Variants in CNTN6 observed in about 807,000 individuals in gnomAD.
The protein encoded by CNTN6 is contactin-6.
A neutral mutation model predicts 122.8 loss-of-function variants in CNTN6; 137 were observed. The observed-to-expected ratio is 1.12, with a 90% CI of 0.97 to 1.29. The LOEUF is 1.29. Among genes scored for constraint, CNTN6 ranks in the 50% most tolerant of loss-of-function variants. The pLI is 0.00. For missense variants in CNTN6, 1,634 were observed against 1,223.4 expected, an observed-to-expected ratio of 1.34 and a Z score of -5.01; for synonymous variants, 570 against 426.0, an observed-to-expected ratio of 1.34 and a Z score of -4.16.
chr3:1,126,528 T>C (rs554897173), intron 1 of CNTN6, among the ~76,000 whole-genome samples: 1 of 152,006 alleles, frequency 6.6e-6, no homozygotes, highest in East Asian at 1.9e-4. Context: ...CTTATCACAA[T>C]CTTTGTTAAT....
chr3:1,194,377 G>A (rs1277486251), intron 2 of CNTN6, among the ~76,000 whole-genome samples: 1 of 151,982 alleles, frequency 6.6e-6, no homozygotes, highest in Non-Finnish European at 1.5e-5. Flanking sequence ...TTGGGAGACT[G>A]GGTTTTCTTA....
intron 1 of CNTN6, among the ~76,000 whole-genome samples, chr3:1,099,155 T>C (rs550413774): frequency 1.3e-5 from 2 of 152,278 alleles, no homozygotes; most frequent in East Asian, 3.9e-4. Flanking sequence ...CTCATTCTTA[T>C]AAATAAACAC....
intron 2 of CNTN6, among the ~76,000 whole-genome samples, chr3:1,163,304 A>G (rs1420557065): frequency 6.6e-6 from 1 of 152,166 alleles, no homozygotes; most frequent in Non-Finnish European, 1.5e-5. Flanking sequence ...AATTATTATC[A>G]AGAGCATCAC....
chr3:1,257,166 T>G lies in CNTN6; in HGVS notation c.359-21247T>G, dbSNP rs558175000. Among the ~76,000 whole-genome samples the G allele has an allele frequency of 1.1e-4, 16 of 152,286 alleles. No homozygotes were observed. In the South Asian group the frequency reaches 3.3e-3, roughly 32 times the overall value. The stretch of plus-strand genomic sequence containing the variant: ...TTATCTGTTTATTGGCAATTTAAAA[T>G]TATTTTGTAAATTTCCTAAATTGGG... On this transcript the variant is annotated intron_variant, in intron 4 of 22. Transcript: ENST00000446702.
rs549898901 is a variant in CNTN6, at chr3:1,133,917, A to C, written c.-82-14010A>C. Among the ~76,000 whole-genome samples the C allele has an allele frequency of 4.6e-5, 7 of 152,318 alleles. No individual in the cohort carries two copies. The South Asian group carries it at 8.3e-4, about 18-fold the overall frequency. ...TATCTGGAGCAACAGCCTGCTGTGG[A>C]TCTCACTACAGCCCTTCCCTTCCTG... On this transcript the variant is annotated intron_variant, in intron 1 of 22. Transcript: ENST00000446702.
chr3:1,400,853 G>A (rs1695598883), intron 20 of CNTN6, among the ~76,000 whole-genome samples: 1 of 152,076 alleles, frequency 6.6e-6, no homozygotes, highest in Non-Finnish European at 1.5e-5. Flanking sequence ...TAAGCAGAGT[G>A]AAGACTGTGG....
intron 1 of CNTN6, among the ~76,000 whole-genome samples, chr3:1,129,104 C>G (rs2092264319): frequency 6.6e-6 from 1 of 151,938 alleles, no homozygotes; most frequent in South Asian, 2.1e-4. Flanking sequence ...TTGGGAACTA[C>G]TTAGGGAGAA....
In CNTN6 at chr3:1,370,051, G is replaced by GT. The variant is rs1708788338; in HGVS notation, c.1493-2247dup. Among the ~76,000 whole-genome samples, 3 of 151,796 alleles carry GT rather than the reference G, an allele frequency of 2.0e-5. No individual in the cohort carries two copies. In the South Asian group the frequency reaches 6.2e-4, roughly 32 times the overall value. On this transcript the variant is annotated intron_variant, in intron 12 of 22. Transcript: ENST00000446702. ...TACCCTTCAACTTCACCTTGCTAAT[G>GT]TAACAAACTTAATAATTTAATGTGT... is the stretch of plus-strand genomic sequence containing the variant.
chr3:1,212,718 CAT>C (rs10573429), intron 2 of CNTN6, among the ~76,000 whole-genome samples: 29,563 of 151,842 alleles, frequency 0.19, 3,467 homozygotes, highest in East Asian at 0.5. Flanking sequence ...CATATTGTCA[CAT>C]GTTTTCAGCT....
At chr3:1,397,560 A>G (rs959817292) in intron 20 of CNTN6, among the ~76,000 whole-genome samples, 1 of 152,178 alleles carries the variant, frequency 6.6e-6, no homozygotes, top group Non-Finnish European at 1.5e-5. Flanking sequence ...CCACACAGAC[A>G]TTACTTAAAT....
At chr3:1,308,284 G>GTT (rs1206737674) in intron 7 of CNTN6, among the ~76,000 whole-genome samples, 51 of 81,466 alleles carry the variant, frequency 6.3e-4, no homozygotes, top group African/African-American at 1.7e-3. Context: ...TGTATGGGGT[G>GTT]TTTTGTGTGT....
At chr3:1,325,771 T>C in intron 8 of CNTN6, 44 bp from the exon 9 acceptor site, 1 of 1,596,832 alleles carries the variant, frequency 6.3e-7, no homozygotes, top group Non-Finnish European at 8.5e-7. Flanking sequence ...ATGTCTTGGA[T>C]AACTGCCTTT....
intron 7 of CNTN6, among the ~76,000 whole-genome samples, chr3:1,304,819 C>T (rs998702970): frequency 6.6e-6 from 1 of 151,384 alleles, no homozygotes; most frequent in Non-Finnish European, 1.5e-5. Flanking sequence ...AGGTGAAACC[C>T]CCTTATCTAC....
At chr3:1,198,668 G>T (rs2093813904) in intron 2 of CNTN6, among the ~76,000 whole-genome samples, 1 of 151,648 alleles carries the variant, frequency 6.6e-6, no homozygotes, top group South Asian at 2.1e-4. Flanking sequence ...TTTGCAGTGA[G>T]CCAAGGTTGC....
intron 1 of CNTN6, among the ~76,000 whole-genome samples, chr3:1,141,730 A>G (rs1048037446): frequency 6.6e-6 from 1 of 152,170 alleles, no homozygotes; most frequent in Non-Finnish European, 1.5e-5. Context: ...AAAAAGCACA[A>G]TGTTGACAGA....
At chr3:1,370,238 T>C (rs1235643084) in intron 12 of CNTN6, among the ~76,000 whole-genome samples, 1 of 151,952 alleles carries the variant, frequency 6.6e-6, no homozygotes, top group African/African-American at 2.4e-5. Context: ...TTTTTTTTAA[T>C]TTTATTATTA....
intron 2 of CNTN6, among the ~76,000 whole-genome samples, chr3:1,158,409 G>A (rs1215976320): frequency 6.6e-6 from 1 of 152,072 alleles, no homozygotes; most frequent in Admixed American, 6.5e-5. Context: ...AGTTGTTTGA[G>A]CTCCTTATAT....
chr3:1,238,536 G>T (rs1196245519), intron 4 of CNTN6, among the ~76,000 whole-genome samples: 3 of 152,102 alleles, frequency 2.0e-5, no homozygotes, highest in Non-Finnish European at 4.4e-5. Flanking sequence ...AAGTCATCAA[G>T]ACAGAAAGTC....
At chr3:1,265,170 A>T (rs1332722708) in intron 4 of CNTN6, among the ~76,000 whole-genome samples, 2 of 151,436 alleles carry the variant, frequency 1.3e-5, no homozygotes, top group African/African-American at 4.9e-5. Flanking sequence ...ATTCACCAGA[A>T]TGCAGATATC....
Sources: gnomAD v4.1 joint callset for allele counts (sites outside exome capture counted in the v4.1 genomes callset) on GRCh38, gnomAD v4.1.1 for gene constraint, MANE v1.5 for transcripts, NCBI Gene and HGNC (gene_info 2026-07-23, HGNC 2026-07-21) for gene names.